Variants in LHFPL3 observed in about 807,000 individuals in gnomAD.
The protein encoded by LHFPL3 is LHFPL tetraspan subfamily member 3.
A neutral mutation model predicts 19.3 loss-of-function variants in LHFPL3; 5 were observed. The observed-to-expected ratio is 0.26, with a 90% CI of 0.14 to 0.54. The LOEUF (loss-of-function observed/expected upper bound fraction) is 0.54, where lower values mean the gene tolerates loss of function less well. Among genes scored for constraint, LHFPL3 ranks in the 20% least tolerant of loss-of-function variants. The probability of loss-of-function intolerance (pLI) is 0.94; values close to 1 mark genes in which losing one functional copy is unlikely to be tolerated. For synonymous variants in LHFPL3, 133 were observed against 126.2 expected (o/e 1.05, Z -0.36); for missense variants, 249 against 307.4 (o/e 0.81, Z 1.42).
In LHFPL3 at chr7:104,553,347, C is replaced by T. The variant is rs565183911; in HGVS notation, c.446-183328C>T. On this transcript the variant is annotated intron_variant, in intron 1 of 2. Transcript: ENST00000424859. ...CTGTAAGGCACAAAAATATGCTCTTCTCTGCTGCTTTACCACCTTTCCATT... is the reference window on the plus strand; with the variant it reads ...CTGTAAGGCACAAAAATATGCTCTTTTCTGCTGCTTTACCACCTTTCCATT... Among the ~76,000 whole-genome samples, 20 of 152,312 alleles carry T rather than the reference C, an allele frequency of 1.3e-4. 1 individual carries two copies. In the East Asian group the frequency reaches 3.7e-3, roughly 28 times the overall value.
chr7:104,669,233 C>T (rs1792424222), intron 1 of LHFPL3: 2 of 1,613,986 alleles, frequency 1.2e-6, no homozygotes, highest in Non-Finnish European at 1.7e-6. Context: ...TCTCAGAGCT[C>T]AGACACAGAG....
chr7:104,856,045 A>C (rs936710059), intron 2 of LHFPL3, among the ~76,000 whole-genome samples: 2 of 152,180 alleles, frequency 1.3e-5, no homozygotes, highest in African/African-American at 2.4e-5. Context: ...GAGAAAAAGA[A>C]GGAAAACTAA....
chr7:104,877,838 AT>A (rs36063537), intron 2 of LHFPL3, among the ~76,000 whole-genome samples: 51,156 of 147,698 alleles, frequency 0.35, 8,640 homozygotes, highest in East Asian at 0.42. Context: ...TTATAGCAGC[AT>A]TTTTTTTTTT....
chr7:104,564,022 G>C (rs945569892), intron 1 of LHFPL3, among the ~76,000 whole-genome samples: 2 of 152,042 alleles, frequency 1.3e-5, no homozygotes, highest in African/African-American at 4.8e-5. Context: ...TATGTGCCAG[G>C]CATTATGTTA....
At chr7:104,393,044 A>G (rs1018839135) in intron 1 of LHFPL3, among the ~76,000 whole-genome samples, 1 of 152,224 alleles carries the variant, frequency 6.6e-6, no homozygotes, top group African/African-American at 2.4e-5. Flanking sequence ...AGATATACAA[A>G]TGGCCAATAA....
At chr7:104,676,980 G>T (rs771659669) in intron 1 of LHFPL3, among the ~76,000 whole-genome samples, 4 of 152,156 alleles carry the variant, frequency 2.6e-5, no homozygotes, top group Non-Finnish European at 5.9e-5. Flanking sequence ...AAAAAGCTGG[G>T]AACAACATAA....
chr7:104,525,275 T>A (rs566981180), intron 1 of LHFPL3, among the ~76,000 whole-genome samples: 132 of 152,320 alleles, frequency 8.7e-4, no homozygotes, highest in African/African-American at 3.1e-3. Flanking sequence ...ATTCAACTTA[T>A]AACGTGACAT....
In LHFPL3 at chr7:104,906,915, T is replaced by C. The variant is rs1792632172; in HGVS notation, c.*700T>C. 1 of 152,630 alleles carries C rather than the reference T, an allele frequency of 6.6e-6. No individual in the cohort carries two copies. Among genetic ancestry groups the C allele is most frequent in the African/African-American group, 2.4e-5 (1 of 41,456 alleles). The allele number at this position is 152,630 out of a possible 1,614,324, so 9.5% of individuals were successfully genotyped here. A position where few individuals can be genotyped will look rare whatever the true frequency, so the allele number is the denominator to read the frequency against. On this transcript the variant is annotated 3_prime_UTR_variant, in exon 3 of 3. Transcript: ENST00000424859. ...GTTTATGCCATATACTATTACTCCA[T>C]CAAGCTGTATATTACAGGAAGTACA...
chr7:104,672,444 A>C (rs529500209), intron 1 of LHFPL3, among the ~76,000 whole-genome samples: 1 of 152,250 alleles, frequency 6.6e-6, no homozygotes, highest in Non-Finnish European at 1.5e-5. Context: ...GTATTGAATA[A>C]ATGCTGGAAT....
At position 104,900,909 on chromosome 7, in the gene LHFPL3, A is replaced by T. The variant is rs148058011; in HGVS notation, c.683-5278A>T. On this transcript the variant is annotated intron_variant, in intron 2 of 2. Transcript: ENST00000424859. ...CAAAGCAGCATTGAATGACTTATTT[A>T]TTCATTCCTGCTCTGTACAAACCTG... is the stretch of plus-strand genomic sequence containing the variant. 6.9e-3 allele frequency among the ~76,000 whole-genome samples: 1,054 copies of T among 152,320 alleles called. 17 individuals carry two copies. Among genetic ancestry groups the T allele is most frequent in the African/African-American group, 0.023 (975 of 41,548 alleles).
At chr7:104,811,934 C>A (rs915424087) in intron 2 of LHFPL3, among the ~76,000 whole-genome samples, 1 of 152,032 alleles carries the variant, frequency 6.6e-6, no homozygotes, top group African/African-American at 2.4e-5. Context: ...ATTAATGTGT[C>A]CCCCCAACAA....
chr7:104,550,009 C>G (rs1056188137), intron 1 of LHFPL3, among the ~76,000 whole-genome samples: 4 of 152,066 alleles, frequency 2.6e-5, no homozygotes, highest in Non-Finnish European at 1.5e-5. Flanking sequence ...TTGGCTCACA[C>G]AGTTACGGAG....
intron 1 of LHFPL3, among the ~76,000 whole-genome samples, chr7:104,698,104 G>A (rs77220676): frequency 1.1e-4 from 16 of 152,292 alleles, no homozygotes; most frequent in African/African-American, 3.4e-4. Flanking sequence ...CCTCATTTCA[G>A]TCAGGGCCTT....
At chr7:104,444,393 T>C (rs1792287250) in intron 1 of LHFPL3, among the ~76,000 whole-genome samples, 1 of 152,186 alleles carries the variant, frequency 6.6e-6, no homozygotes, top group Non-Finnish European at 1.5e-5. Context: ...AGTGTCAGCT[T>C]ATCTGACACC....
At chr7:104,632,505 T>C (rs1343405317) in intron 1 of LHFPL3, among the ~76,000 whole-genome samples, 1 of 152,242 alleles carries the variant, frequency 6.6e-6, no homozygotes, top group Non-Finnish European at 1.5e-5. Flanking sequence ...AATAACCTGA[T>C]TACATTTTAA....
intron 1 of LHFPL3, among the ~76,000 whole-genome samples, chr7:104,526,299 A>G (rs1481238643): frequency 2.0e-5 from 3 of 152,200 alleles, no homozygotes; most frequent in Non-Finnish European, 4.4e-5. Flanking sequence ...AACAAACAAA[A>G]TATAACCACA....
chr7:104,697,056 G>A (rs532556924), intron 1 of LHFPL3, among the ~76,000 whole-genome samples: 2 of 152,300 alleles, frequency 1.3e-5, no homozygotes, highest in African/African-American at 4.8e-5. Context: ...CATGGTGGAA[G>A]GGGTGAGAGA....
At chr7:104,843,245 T>A (rs1239691615) in intron 2 of LHFPL3, among the ~76,000 whole-genome samples, 1 of 152,216 alleles carries the variant, frequency 6.6e-6, no homozygotes, top group Non-Finnish European at 1.5e-5. Context: ...AAATATTTTT[T>A]AAATGATCTA....
intron 2 of LHFPL3, among the ~76,000 whole-genome samples, chr7:104,783,867 G>A (rs1047397371): frequency 6.6e-6 from 1 of 152,202 alleles, no homozygotes; most frequent in Non-Finnish European, 1.5e-5. Context: ...TTGTAGAAAA[G>A]AAGAATCTGG....
Sources: allele counts gnomAD v4.1 joint callset (sites outside exome capture counted in the v4.1 genomes callset), GRCh38; gene constraint gnomAD v4.1.1; transcripts MANE v1.5; gene names NCBI Gene and HGNC (gene_info 2026-07-23, HGNC 2026-07-21).